Variants in USP10 observed in about 807,000 individuals in gnomAD.
USP10 encodes ubiquitin specific peptidase 10.
USP10 carries 22 observed loss-of-function variants against 84.5 expected under a neutral mutation model. The observed-to-expected ratio is 0.26, with a 90% CI of 0.19 to 0.37. The LOEUF is 0.37. Ranked by LOEUF, USP10 falls within the 10% of genes least tolerant of loss-of-function variation. USP10 has a pLI of 1.00. For synonymous variants in USP10, 454 were observed against 387.6 expected (o/e 1.17, Z -2.01); for missense variants, 1,019 against 998.9 (o/e 1.02, Z -0.27).
At chr16:84,777,277 C>T (rs1915120664) in intron 13 of USP10, among the ~76,000 whole-genome samples, 1 of 152,158 alleles carries the variant, frequency 6.6e-6, no homozygotes, top group Non-Finnish European at 1.5e-5. Flanking sequence ...ATGCAGTCCC[C>T]CTTGACATTT....
At chr16:84,775,683 ACAAG>A (rs1914936609) in intron 13 of USP10, among the ~76,000 whole-genome samples, 2 of 152,144 alleles carry the variant, frequency 1.3e-5, no homozygotes, top group Admixed American at 1.3e-4. Context: ...GCCCGATTAC[ACAAG>A]CTCCTCGGCT....
intron 1 of USP10, among the ~76,000 whole-genome samples, chr16:84,702,993 C>CAAAAAAAAAAAAAAAAAAA (rs1157728872): frequency 5.4e-4 from 28 of 52,142 alleles, no homozygotes; most frequent in African/African-American, 2.3e-3. Context: ...ACTCCCGTCT[C>CAAAAAAAAAAAAAAAAAAA]AAAAAAAAAA....
chr16:84,719,022 C>T (rs146543718), intron 1 of USP10, among the ~76,000 whole-genome samples: 13,379 of 151,988 alleles, frequency 0.088, 853 homozygotes, highest in African/African-American at 0.19. Context: ...GAACTCCTGA[C>T]CTCAAATGAT....
Position 84,745,679 on chromosome 16 carries a change from G to A in USP10, c.1192+6G>A. 5 of 1,602,562 alleles carry A rather than the reference G, an allele frequency of 3.1e-6. No individual in the cohort carries two copies. Among genetic ancestry groups the A allele is most frequent in the Non-Finnish European group, 4.3e-6 (5 of 1,174,042 alleles). On this transcript the variant is annotated splice_donor_region_variant and intron_variant, in intron 4 of 13. Coordinates refer to ENST00000219473, the MANE Select transcript of USP10 (RefSeq NM_005153.3). The stretch of plus-strand genomic sequence containing the variant: ...TGTAGCCATAAAGATTGCAGGTATA[G>A]TTGAAAAGATACAAATCTAGAGTGA...
At chr16:84,714,542 T>C (rs1404305195) in intron 1 of USP10, among the ~76,000 whole-genome samples, 1 of 152,206 alleles carries the variant, frequency 6.6e-6, no homozygotes, top group Non-Finnish European at 1.5e-5. Flanking sequence ...GCGATTGTTT[T>C]TTTTTTTAGA....
intron 1 of USP10, among the ~76,000 whole-genome samples, chr16:84,714,328 T>G (rs576794037): frequency 3.5e-4 from 53 of 152,308 alleles, no homozygotes; most frequent in Non-Finnish European, 6.3e-4. Context: ...TTCTTCCTCT[T>G]TTTTAGAGAT....
rs185799880 is a variant in USP10 at position 84,757,510 on chromosome 16, A to G, written c.1193-1206A>G. Among the ~76,000 whole-genome samples, 3 of 151,862 alleles carry G rather than the reference A, an allele frequency of 2.0e-5. No homozygotes were observed. The East Asian group carries it at 5.8e-4, about 29-fold the overall frequency. On this transcript the variant is annotated intron_variant, in intron 4 of 13. Coordinates refer to ENST00000219473, the MANE Select transcript of USP10 (RefSeq NM_005153.3). ...CCGAAGTCTGGGATCTGCCAGTACA[A>G]TGTAGTTTAGAAAAGAAAAGCTTAT...
At chr16:84,757,614 GTTTA>G (rs1009605430) in intron 4 of USP10, among the ~76,000 whole-genome samples, 8 of 152,040 alleles carry the variant, frequency 5.3e-5, no homozygotes, top group African/African-American at 9.6e-5. Context: ...TATACAATTT[GTTTA>G]TTTATTATAC....
chr16:84,733,822 C>T (rs939738774), intron 2 of USP10, among the ~76,000 whole-genome samples: 6 of 152,160 alleles, frequency 3.9e-5, no homozygotes, highest in Non-Finnish European at 8.8e-5. Flanking sequence ...TGGTTTTCAC[C>T]TTTTATCATA....
At chr16:84,731,204 C>G (rs1017502259) in intron 1 of USP10, among the ~76,000 whole-genome samples, 1 of 151,610 alleles carries the variant, frequency 6.6e-6, no homozygotes, top group African/African-American at 2.4e-5. Context: ...TGGTCTCGAT[C>G]TTCTGACCTC....
At chr16:84,767,501 C>A (rs999150429) in intron 10 of USP10, among the ~76,000 whole-genome samples, 1 of 152,068 alleles carries the variant, frequency 6.6e-6, no homozygotes, top group Non-Finnish European at 1.5e-5. Context: ...GAGGAAAATG[C>A]CATTAAAAAT....
At chr16:84,775,579 C>T (rs1914921193) in intron 13 of USP10, among the ~76,000 whole-genome samples, 2 of 152,176 alleles carry the variant, frequency 1.3e-5, no homozygotes, top group Admixed American at 1.3e-4. Context: ...TTCCACGACA[C>T]CTGGTCACCC....
rs759912503 is a variant in USP10 at position 84,779,115 on chromosome 16, C to T, written c.*33C>T. 43 of 1,586,976 alleles carry T rather than the reference C, an allele frequency of 2.7e-5. No individual in the cohort carries two copies. The highest frequency in any genetic ancestry group is 3.4e-5 in the Non-Finnish European group (39 of 1,160,578). On this transcript the variant is annotated 3_prime_UTR_variant, in exon 14 of 14. Transcript: ENST00000219473. ...GTGCGCTGTGTGTGCGCCCAGTGCC[C>T]GCTTCGTAGGACACCACCTCACACT...
chr16:84,734,542 A>T (rs1909647423), intron 2 of USP10, among the ~76,000 whole-genome samples: 1 of 152,178 alleles, frequency 6.6e-6, no homozygotes, highest in Non-Finnish European at 1.5e-5. Context: ...TGTTCCTAGC[A>T]TGAGGGCTTT....
chr16:84,763,920 G>C (rs1913513288), intron 9 of USP10, among the ~76,000 whole-genome samples, 166 bp from the exon 10 acceptor site: 1 of 151,626 alleles, frequency 6.6e-6, no homozygotes. Context: ...GTTGCGATTG[G>C]CCGTGGATCC....
At chr16:84,718,980 C>G (rs914227328) in intron 1 of USP10, among the ~76,000 whole-genome samples, 16 of 151,800 alleles carry the variant, frequency 1.1e-4, no homozygotes, top group African/African-American at 3.9e-4. Context: ...TTAGTAGAGA[C>G]AGGGTTTCAC....
intron 12 of USP10, 103 bp from the exon 13 acceptor site, chr16:84,775,057 C>T (rs1914854332): frequency 2.1e-6 from 2 of 962,928 alleles, no homozygotes; most frequent in South Asian, 2.6e-5. Flanking sequence ...CCTGGTCTGA[C>T]AGGCAGTTTA....
intron 1 of USP10, among the ~76,000 whole-genome samples, chr16:84,730,799 TAAAC>T (rs2087533251): frequency 6.6e-6 from 1 of 152,152 alleles, no homozygotes; most frequent in Non-Finnish European, 1.5e-5. Context: ...ATGATTTAAA[TAAAC>T]ATTTTTATTT....
chr16:84,770,485 T>C (rs1914315689), intron 11 of USP10, among the ~76,000 whole-genome samples: 1 of 152,138 alleles, frequency 6.6e-6, no homozygotes. Context: ...AAATTAAGCC[T>C]CAGTTGGCTG....
Sources: allele counts gnomAD v4.1 joint callset (sites outside exome capture counted in the v4.1 genomes callset), GRCh38; gene constraint gnomAD v4.1.1; transcripts MANE v1.5; gene names NCBI Gene and HGNC (gene_info 2026-07-23, HGNC 2026-07-21).